Variants in SPIDR observed in about 807,000 individuals in gnomAD.
SPIDR encodes the protein scaffold protein involved in DNA repair.
A neutral mutation model predicts 104.6 loss-of-function variants in SPIDR; 93 were observed. That is an observed-to-expected ratio of 0.89 (90% CI 0.75 to 1.06). SPIDR has a LOEUF of 1.06. Ranked by LOEUF, SPIDR falls within the 50% of genes least tolerant of loss-of-function variation. SPIDR has a pLI of 0.00. For synonymous variants in SPIDR, 431 were observed against 416.9 expected, an observed-to-expected ratio of 1.03 and a Z score of -0.41; for missense variants, 1,154 against 1,111.2, an observed-to-expected ratio of 1.04 and a Z score of -0.55.
At chr8:47,430,936 C>T (rs1554688765) in intron 7 of SPIDR, among the ~76,000 whole-genome samples, 3 of 152,162 alleles carry the variant, frequency 2.0e-5, no homozygotes, top group Non-Finnish European at 4.4e-5. Context: ...TCTCGATACT[C>T]AGAGTGGAAG....
intron 6 of SPIDR, among the ~76,000 whole-genome samples, chr8:47,403,044 T>G (rs1554664446): frequency 6.6e-6 from 1 of 152,180 alleles, no homozygotes; most frequent in Non-Finnish European, 1.5e-5. Context: ...CAAGGGTGGT[T>G]CAGCATACGC....
At chr8:47,376,135 A>T (rs1554642207) in intron 5 of SPIDR, among the ~76,000 whole-genome samples, 1 of 152,138 alleles carries the variant, frequency 6.6e-6, no homozygotes, top group Admixed American at 6.5e-5. Context: ...GGTAAATTAA[A>T]CCTTTTTGTT....
intron 5 of SPIDR, among the ~76,000 whole-genome samples, chr8:47,391,909 C>T (rs1489943417): frequency 8.8e-5 from 13 of 148,212 alleles, no homozygotes; most frequent in Non-Finnish European, 1.6e-4. Flanking sequence ...GGCAGGAGAA[C>T]GGCGTGAACC....
At chr8:47,715,602 A>G (rs181774483) in intron 16 of SPIDR, among the ~76,000 whole-genome samples, 168 of 152,342 alleles carry the variant, frequency 1.1e-3, no homozygotes, top group African/African-American at 3.8e-3. Context: ...ATACTATGTG[A>G]TCTTTCATGA....
At chr8:47,703,792 G>A (rs2080675098) in intron 14 of SPIDR, among the ~76,000 whole-genome samples, 1 of 152,174 alleles carries the variant, frequency 6.6e-6, no homozygotes, top group Non-Finnish European at 1.5e-5. Flanking sequence ...GGAGGACACA[G>A]GAACTCTGAC....
intron 10 of SPIDR, among the ~76,000 whole-genome samples, chr8:47,623,229 G>A (rs937209200): frequency 2.0e-5 from 3 of 152,146 alleles, no homozygotes; most frequent in African/African-American, 7.2e-5. Flanking sequence ...AAGAGTTCCT[G>A]AAGGAAGCAC....
At chr8:47,516,914 C>T (rs1165743767) in intron 8 of SPIDR, among the ~76,000 whole-genome samples, 1 of 152,156 alleles carries the variant, frequency 6.6e-6, no homozygotes, top group African/African-American at 2.4e-5. Flanking sequence ...TTCAGTTTCT[C>T]CACATTCTCA....
chr8:47,488,550 A>T (rs540628565), intron 8 of SPIDR, among the ~76,000 whole-genome samples: 1 of 152,318 alleles, frequency 6.6e-6, no homozygotes, highest in South Asian at 2.1e-4. Context: ...ACACACAAAA[A>T]AAGACAATTT....
intron 8 of SPIDR, among the ~76,000 whole-genome samples, chr8:47,538,821 G>A (rs543518456): frequency 1.4e-5 from 2 of 146,328 alleles, no homozygotes; most frequent in Non-Finnish European, 3.0e-5. Flanking sequence ...AATGATTATT[G>A]TGGGATATTT....
chr8:47,298,568 AGGGTTTTTATGGTTT>A (rs2154244486), intron 5 of SPIDR, among the ~76,000 whole-genome samples: 2 of 152,098 alleles, frequency 1.3e-5, no homozygotes, highest in East Asian at 3.8e-4. Flanking sequence ...GTTTTCTTCT[AGGGTTTTTATGGTTT>A]TAGGTCTAAC....
At chr8:47,403,236 A>G (rs1588234255) in intron 6 of SPIDR, among the ~76,000 whole-genome samples, 1 of 152,234 alleles carries the variant, frequency 6.6e-6, no homozygotes, top group African/African-American at 2.4e-5. Flanking sequence ...TGACAAACCC[A>G]CAGCCAATAT....
chr8:47,592,412 C>A, intron 8 of SPIDR: 1 of 1,426,486 alleles, frequency 7.0e-7, no homozygotes, highest in East Asian at 2.3e-5. Flanking sequence ...GTAGGGGCTG[C>A]CATTGAGTAT....
At chr8:47,328,817 G>A (rs1218604854) in intron 5 of SPIDR, among the ~76,000 whole-genome samples, 2 of 151,736 alleles carry the variant, frequency 1.3e-5, no homozygotes, top group African/African-American at 4.8e-5. Flanking sequence ...AATGTTTCAG[G>A]GTTTTTTTTC....
intron 7 of SPIDR, among the ~76,000 whole-genome samples, chr8:47,409,315 GTT>G (rs2063187589): frequency 6.6e-6 from 1 of 151,782 alleles, no homozygotes; most frequent in African/African-American, 2.4e-5. Context: ...CAACAAATGA[GTT>G]TATTCCTCCA....
chr8:47,488,675 G>A (rs910189318), intron 8 of SPIDR, among the ~76,000 whole-genome samples: 54 of 152,186 alleles, frequency 3.5e-4, no homozygotes, highest in African/African-American at 1.2e-3. Context: ...GCTTCATCCC[G>A]GGGATGCAAG....
intron 5 of SPIDR, among the ~76,000 whole-genome samples, chr8:47,341,413 G>A (rs1554613919): frequency 6.6e-6 from 1 of 151,992 alleles, no homozygotes; most frequent in Non-Finnish European, 1.5e-5. Flanking sequence ...TTGCAGGTCA[G>A]GGCCTTTAGA....
At chr8:47,469,155 C>T (rs1284640825) in intron 8 of SPIDR, among the ~76,000 whole-genome samples, 1 of 152,078 alleles carries the variant, frequency 6.6e-6, no homozygotes, top group African/African-American at 2.4e-5. Context: ...CCATCTCACA[C>T]CAATTAGAAT....
intron 5 of SPIDR, among the ~76,000 whole-genome samples, chr8:47,330,352 G>T (rs1305059046): frequency 6.6e-6 from 1 of 152,064 alleles, no homozygotes; most frequent in Non-Finnish European, 1.5e-5. Context: ...ATGAACCCGT[G>T]TATACACATC....
Position 47,413,554 on chromosome 8 carries a change from C to G in SPIDR, c.877+5593C>G, listed in dbSNP as rs186254197. Among the ~76,000 whole-genome samples the G allele has an allele frequency of 7.0e-4, 107 of 152,336 alleles. No individual in the cohort carries two copies. The Middle Eastern group carries it at 0.024, about 34-fold the overall frequency. ...TTGCATGTTTAGTTCAGGTAGCTGT[C>G]TTGAATTTTGCTGATGTTATTATAG... On this transcript the variant is annotated intron_variant, in intron 7 of 19. Coordinates refer to ENST00000297423, the MANE Select transcript of SPIDR (RefSeq NM_001080394.4).
Sources: gnomAD v4.1 joint callset for allele counts (sites outside exome capture counted in the v4.1 genomes callset) on GRCh38, gnomAD v4.1.1 for gene constraint, MANE v1.5 for transcripts, NCBI Gene and HGNC (gene_info 2026-07-23, HGNC 2026-07-21) for gene names.